ZFYVE27: variants seen among roughly 807,000 people sequenced by gnomAD.
ZFYVE27 encodes protrudin.
ZFYVE27 carries 36 observed loss-of-function variants against 52.8 expected under a neutral mutation model. The ratio of observed to expected loss-of-function variants is 0.68; its 90% CI spans 0.52 to 0.90. The LOEUF (loss-of-function observed/expected upper bound fraction) is 0.90. Ranked by LOEUF, ZFYVE27 falls within the 40% of genes least tolerant of loss-of-function variation. The pLI is 0.00. For synonymous variants in ZFYVE27, 223 were observed against 215.6 expected, an observed-to-expected ratio of 1.03 and a Z score of -0.30; for missense variants, 450 against 527.2, an observed-to-expected ratio of 0.85 and a Z score of 1.43.
Position 97,744,880 on chromosome 10 carries a change from G to C in ZFYVE27, c.420G>C (p.Leu140=), listed in dbSNP as rs778012424. 5.0e-6 allele frequency: 8 copies of C among 1,603,780 alleles called. No homozygotes were observed. The highest frequency in any genetic ancestry group is 6.0e-6 in the Non-Finnish European group (7 of 1,174,404). ...AGGAGGACCTGCAGAGAGGTCGCCT[G>C]TCTCGTCCCGAGGCCGTGGCTGAGG... is the stretch of plus-strand genomic sequence containing the variant. ...VRQEDLQRGR[L]SRPEAVAEVK... is the part of the protein sequence containing the mutation. Residue 140 remains leucine, a synonymous_variant, in exon 4 of 13, where the codon CTG becomes CTC. Transcript: ENST00000684270.
At chr10:97,747,234 G>T (rs1300395513) in intron 4 of ZFYVE27, among the ~76,000 whole-genome samples, 1 of 152,116 alleles carries the variant, frequency 6.6e-6, no homozygotes, top group Non-Finnish European at 1.5e-5. Flanking sequence ...GTCATGTTCA[G>T]TACATCCGTA....
intron 2 of ZFYVE27, among the ~76,000 whole-genome samples, chr10:97,739,660 C>T (rs1434017289): frequency 6.6e-6 from 1 of 152,078 alleles, no homozygotes; most frequent in African/African-American, 2.4e-5. Flanking sequence ...TCTCTTTTGG[C>T]TAAATCACAT....
intron 7 of ZFYVE27, 78 bp downstream of exon 7, chr10:97,750,548 G>T (rs760684443): frequency 6.3e-7 from 1 of 1,589,680 alleles, no homozygotes; most frequent in African/African-American, 1.3e-5. Flanking sequence ...TTGGCTCCTG[G>T]GCTGGCCTCT....
rs145746084 is a variant in ZFYVE27 at position 97,744,884 on chromosome 10, C to G, written c.424C>G (p.Arg142Gly). ...GGACCTGCAGAGAGGTCGCCTGTCT[C>G]GTCCCGAGGCCGTGGCTGAGGTGAA... is the stretch of plus-strand genomic sequence containing the variant. ...QEDLQRGRLS[R>G]PEAVAEVKSF... Residue 142 changes from arginine (R) to glycine (G), a missense_variant, in exon 4 of 13, where the codon CGT becomes GGT. Physicochemically the swap from Arg to Gly is moderately radical, Grantham distance 125. Transcript: ENST00000684270. 1.9e-6 allele frequency: 3 copies of G among 1,601,716 alleles called. No individual in the cohort carries two copies. The highest frequency in any genetic ancestry group is 2.6e-6 in the Non-Finnish European group (3 of 1,173,320).
chr10:97,757,503 G>C (rs2048674247), intron 11 of ZFYVE27, 139 bp from the exon 12 acceptor site: 4 of 1,256,340 alleles, frequency 3.2e-6, no homozygotes, highest in Middle Eastern at 1.9e-4. Context: ...TATTCCATTT[G>C]CTCTCTTTCC....
intron 4 of ZFYVE27, among the ~76,000 whole-genome samples, chr10:97,746,875 G>A (rs1215334778): frequency 6.6e-6 from 1 of 151,812 alleles, no homozygotes; most frequent in African/African-American, 2.4e-5. Flanking sequence ...TTTTTTTGTA[G>A]AGATAGGGTC....
chr10:97,756,459 C>T (rs892095412), intron 10 of ZFYVE27, among the ~76,000 whole-genome samples: 3 of 152,208 alleles, frequency 2.0e-5, no homozygotes, highest in Non-Finnish European at 4.4e-5. Context: ...AAAGTGAGGC[C>T]TGGTGCTCTG....
chr10:97,759,215 C>T (rs764533590), intron 12 of ZFYVE27, 21 bp from the exon 13 acceptor site: 2 of 1,614,026 alleles, frequency 1.2e-6, no homozygotes, highest in East Asian at 4.5e-5. Context: ...AATGTCTCAC[C>T]AAGTTCTTCC....
At chr10:97,756,709 T>C (rs1330585251) in intron 10 of ZFYVE27, among the ~76,000 whole-genome samples, 1 of 152,202 alleles carries the variant, frequency 6.6e-6, no homozygotes, top group African/African-American at 2.4e-5. Flanking sequence ...CCCACCACAA[T>C]TGAGCATTCT....
chr10:97,740,521 T>C (rs555254721), intron 2 of ZFYVE27, among the ~76,000 whole-genome samples: 1 of 152,212 alleles, frequency 6.6e-6, no homozygotes, highest in Non-Finnish European at 1.5e-5. Context: ...GTTAAGTGTA[T>C]CCTGTCCTGC....
intron 3 of ZFYVE27, among the ~76,000 whole-genome samples, chr10:97,744,378 A>G (rs1026384967): frequency 6.6e-5 from 10 of 152,156 alleles, no homozygotes; most frequent in Non-Finnish European, 1.3e-4. Flanking sequence ...TGGCAGTCAC[A>G]CTCCAGCGTG....
intron 11 of ZFYVE27, 137 bp downstream of exon 11, chr10:97,757,448 C>A: frequency 7.4e-7 from 1 of 1,354,738 alleles, no homozygotes; most frequent in Non-Finnish European, 1.0e-6. Context: ...AGTGAGTGTG[C>A]CCTCCCCTGC....
intron 8 of ZFYVE27, among the ~76,000 whole-genome samples, chr10:97,751,891 C>A (rs2047101056): frequency 6.6e-6 from 1 of 152,186 alleles, no homozygotes; most frequent in Admixed American, 6.5e-5. Flanking sequence ...AGTGCTAGGT[C>A]AGAGGAAGTT....
At chr10:97,739,101 CTT>C (rs71007361) in intron 2 of ZFYVE27, among the ~76,000 whole-genome samples, 18,476 of 147,756 alleles carry the variant, frequency 0.13, 1,128 homozygotes, top group South Asian at 0.17. Context: ...ATTTTCACTA[CTT>C]TTTTTTTTTT....
chr10:97,749,154 G>T (rs1010759328), intron 5 of ZFYVE27, among the ~76,000 whole-genome samples: 3 of 152,168 alleles, frequency 2.0e-5, no homozygotes, highest in Non-Finnish European at 4.4e-5. Flanking sequence ...AATGAGAAGT[G>T]GCAGAGCTGG....
intron 5 of ZFYVE27, 127 bp from the exon 6 acceptor site, chr10:97,749,347 G>A (rs2046316153): frequency 4.0e-6 from 3 of 759,348 alleles, no homozygotes; most frequent in Non-Finnish European, 2.4e-6. Context: ...TTTGATGAGC[G>A]GCTCTTGTCA....
intron 10 of ZFYVE27, 132 bp from the exon 11 acceptor site, chr10:97,757,133 C>A: frequency 1.6e-6 from 2 of 1,278,044 alleles, no homozygotes; most frequent in Non-Finnish European, 2.2e-6. Context: ...TCTGGCCTTG[C>A]TCCCTGGCTC....
At chr10:97,756,459 C>G (rs892095412) in intron 10 of ZFYVE27, among the ~76,000 whole-genome samples, 13 of 152,208 alleles carry the variant, frequency 8.5e-5, no homozygotes, top group African/African-American at 3.1e-4. Context: ...AAAGTGAGGC[C>G]TGGTGCTCTG....
intron 7 of ZFYVE27, 41 bp downstream of exon 7, chr10:97,750,511 G>A (rs769711278): frequency 1.2e-6 from 2 of 1,612,076 alleles, no homozygotes; most frequent in Non-Finnish European, 1.7e-6. Flanking sequence ...GTGGCCGCTT[G>A]TGGGCCCCCC....
Sources: gnomAD v4.1 joint callset for allele counts (sites outside exome capture counted in the v4.1 genomes callset) on GRCh38, gnomAD v4.1.1 for gene constraint, MANE v1.5 for transcripts, NCBI Gene and HGNC (gene_info 2026-07-23, HGNC 2026-07-21) for gene names.